SFR1: variants seen among roughly 807,000 people sequenced by gnomAD.
The protein encoded by SFR1 is swi5-dependent recombination DNA repair protein 1 homolog.
A neutral mutation model predicts 26.2 loss-of-function variants in SFR1; 24 were observed. That is an observed-to-expected ratio of 0.92 (90% confidence interval 0.66 to 1.29). SFR1 has a LOEUF of 1.29. Among genes scored for constraint, SFR1 ranks in the 50% most tolerant of loss-of-function variants. The probability of loss-of-function intolerance (pLI) is 0.00; values close to 1 mark genes in which losing one functional copy is unlikely to be tolerated. For missense variants in SFR1, 276 were observed against 270.2 expected, an observed-to-expected ratio of 1.02 and a Z score of -0.15; for synonymous variants, 77 against 96.6, an observed-to-expected ratio of 0.80 and a Z score of 1.19.
rs770800897 is a variant in SFR1, at chr10:104,122,216, G to T, written c.13+20G>T. ...AGGGAGGTACCCTGCTGAGGGGAAG[G>T]GGGGATCCCTGACACCTGGGCTTCC... On this transcript the variant is annotated intron_variant, in intron 1 of 3. Transcript: ENST00000369727. The T allele has an allele frequency of 2.6e-5, 40 of 1,537,262 alleles. No individual in the cohort carries two copies. The highest frequency in any genetic ancestry group is 2.0e-4 in the East Asian group (8 of 39,648).
intron 1 of SFR1, 71 bp downstream of exon 1, chr10:104,122,267 T>TG: frequency 6.8e-7 from 1 of 1,476,300 alleles, no homozygotes; most frequent in Non-Finnish European, 9.0e-7. Flanking sequence ...GGAGTCGAGT[T>TG]GAGCTCCCTT....
At position 104,125,767 on chromosome 10, in the gene SFR1, C is replaced by CTT. The variant is rs201504294; in HGVS notation, c.*77_*78dup. The CTT allele has an allele frequency of 5.9e-3, 4,982 of 845,962 alleles. No individual in the cohort carries two copies. Among genetic ancestry groups the CTT allele is most frequent in the Non-Finnish European group, 6.6e-3 (3,794 of 572,774 alleles). The allele number at this position is 845,962 out of a possible 1,614,324, so 52.4% of individuals were successfully genotyped here. A position where few individuals can be genotyped will look rare whatever the true frequency, so the allele number is the denominator to read the frequency against. ...AACTTAATTAAAAGATACTTAGGCA[C>CTT]TTTTTTTTTTTTTTTGAGACTGAGT... On this transcript the variant is annotated 3_prime_UTR_variant, in exon 4 of 4. Coordinates refer to ENST00000369727, the MANE Select transcript of SFR1 (RefSeq NM_001002759.2).
At chr10:104,123,624 T>G in intron 2 of SFR1, 90 bp from the exon 3 acceptor site, 2 of 1,049,592 alleles carry the variant, frequency 1.9e-6, no homozygotes, top group Non-Finnish European at 2.7e-6. Flanking sequence ...GTGTCTAGCA[T>G]AGAAATGGAA....
At chr10:104,122,884 C>G (rs1056513921) in intron 1 of SFR1, 81 bp from the exon 2 acceptor site, 2 of 1,577,750 alleles carry the variant, frequency 1.3e-6, no homozygotes, top group Non-Finnish European at 1.7e-6. Flanking sequence ...GCTTTGTACA[C>G]CAATACAATA....
At chr10:104,122,895 T>C (rs1265837026) in intron 1 of SFR1, 70 bp from the exon 2 acceptor site, 27 of 1,587,852 alleles carry the variant, frequency 1.7e-5, no homozygotes, top group Non-Finnish European at 2.3e-5. Flanking sequence ...CAATACAATA[T>C]ATTATTTGAT....
rs2086999704 is a variant in SFR1, at chr10:104,124,081, A to G, written c.503A>G (p.Asp168Gly). 1.2e-6 allele frequency: 2 copies of G among 1,613,336 alleles called. No individual in the cohort carries two copies. Among genetic ancestry groups the G allele is most frequent in the Non-Finnish European group, 1.7e-6 (2 of 1,179,766 alleles). Residue 168 changes from aspartate to glycine, a missense_variant, in exon 3 of 4, where the codon GAC becomes GGC. Transcript: ENST00000369727. ...KLVKQVQEKE[D>G]LLRRLKLVKM... ...GTGAAGCAGGTTCAGGAGAAAGAAGACCTTCTTCGGAGGCTAAAACTAGTC... is the reference window on the plus strand; with the variant it reads ...GTGAAGCAGGTTCAGGAGAAAGAAGGCCTTCTTCGGAGGCTAAAACTAGTC...
At chr10:104,121,001 G>A (rs1472683929), upstream of SFR1, among the ~76,000 whole-genome samples, 2 of 152,078 alleles carry the variant, frequency 1.3e-5, no homozygotes, top group Admixed American at 6.5e-5. Flanking sequence ...CAACTTCCAC[G>A]TGACTCAGAA....
chr10:104,123,748 A>C lies in SFR1; in HGVS notation c.170A>C (p.Lys57Thr), dbSNP rs1189954820. 6.2e-7 allele frequency: 1 copy of C among 1,604,588 alleles called. No individual in the cohort carries two copies. The highest frequency in any genetic ancestry group is 1.1e-5 in the South Asian group (1 of 88,860). Residue 57 changes from lysine (K) to threonine (T), a missense_variant, in exon 3 of 4, where the codon AAA becomes ACA. Coordinates refer to ENST00000369727, the MANE Select transcript of SFR1 (RefSeq NM_001002759.2). ...MSATLRERLR[K>T]TRFSFNSSYN... ...GCAACACTTAGAGAAAGATTAAGGA[A>C]AACAAGATTTTCATTTAATTCCTCT...
upstream of SFR1, among the ~76,000 whole-genome samples, chr10:104,120,519 G>T (rs1185246023): frequency 2.0e-5 from 3 of 152,088 alleles, no homozygotes; most frequent in African/African-American, 7.2e-5. Context: ...AAATATATGT[G>T]CTTTTTTGGG....
intron 1 of SFR1, chr10:104,122,627 C>G: frequency 3.1e-6 from 4 of 1,309,648 alleles, no homozygotes; most frequent in Non-Finnish European, 3.9e-6. Context: ...AATTATGAAG[C>G]TGTCATAATA....
At chr10:104,123,202 T>G (rs1475493639) in intron 2 of SFR1, 116 bp downstream of exon 2, 6 of 818,366 alleles carry the variant, frequency 7.3e-6, no homozygotes, top group Non-Finnish European at 1.1e-5. Context: ...CATAAATAAG[T>G]AGACATTTTA....
chr10:104,123,512 A>G (rs2086990651), intron 2 of SFR1: 1 of 473,666 alleles, frequency 2.1e-6, no homozygotes, highest in South Asian at 3.7e-5. Flanking sequence ...AAAGGTGTTG[A>G]TCTTGCTGAA....
At chr10:104,123,125 G>C in intron 2 of SFR1, 39 bp downstream of exon 2, 1 of 1,469,724 alleles carries the variant, frequency 6.8e-7, no homozygotes, top group Non-Finnish European at 9.2e-7. Flanking sequence ...TCCATTATGT[G>C]TTTCTAAGTA....
At chr10:104,125,213 CAGT>C (rs2087012122) in intron 3 of SFR1, among the ~76,000 whole-genome samples, 1 of 152,144 alleles carries the variant, frequency 6.6e-6, no homozygotes, top group African/African-American at 2.4e-5. Flanking sequence ...AGTTGTAATA[CAGT>C]AGATTTTTCC....
intron 1 of SFR1, chr10:104,122,682 A>G (rs2086978270): frequency 9.6e-6 from 13 of 1,358,726 alleles, no homozygotes; most frequent in Non-Finnish European, 1.2e-5. Flanking sequence ...CCTACTTCCA[A>G]GGCAGAATTT....
At chr10:104,124,552 A>AATAT (rs60412949) in intron 3 of SFR1, among the ~76,000 whole-genome samples, 9 of 147,786 alleles carry the variant, frequency 6.1e-5, no homozygotes, top group South Asian at 2.1e-4. Context: ...TATTTGAGAA[A>AATAT]ATATATATAT....
intron 2 of SFR1, 118 bp downstream of exon 2, chr10:104,123,204 G>A (rs1165137540): frequency 2.5e-6 from 2 of 812,246 alleles, no homozygotes; most frequent in East Asian, 2.6e-5. Context: ...TAAATAAGTA[G>A]ACATTTTATT....
At chr10:104,121,103 GGGC>G (rs2086956090), upstream of SFR1, among the ~76,000 whole-genome samples, 2 of 131,616 alleles carry the variant, frequency 1.5e-5, no homozygotes, top group African/African-American at 3.9e-5. Flanking sequence ...ACTGGAAGCG[GGGC>G]GCGGGGGGGG....
intron 1 of SFR1, 55 bp from the exon 2 acceptor site, chr10:104,122,910 G>C (rs2086981937): frequency 6.3e-7 from 1 of 1,598,878 alleles, no homozygotes; most frequent in Non-Finnish European, 8.5e-7. Flanking sequence ...TTTGATAAAA[G>C]TCGACTATAG....
Sources: gnomAD v4.1 joint callset for allele counts (sites outside exome capture counted in the v4.1 genomes callset) on GRCh38, gnomAD v4.1.1 for gene constraint, MANE v1.5 for transcripts, NCBI Gene and HGNC (gene_info 2026-07-23, HGNC 2026-07-21) for gene names.